WWP1: variants seen among roughly 807,000 people sequenced by gnomAD.
The protein encoded by WWP1 is NEDD4-like E3 ubiquitin-protein ligase WWP1.
In WWP1, 49 loss-of-function variants were observed where a neutral mutation model predicts 130.6. That is an observed-to-expected ratio of 0.38 (90% CI 0.30 to 0.48). The LOEUF is 0.48. Among genes scored for constraint, WWP1 ranks in the 20% least tolerant of loss-of-function variants. The pLI is 0.99. For missense variants in WWP1, 809 were observed against 1,100.6 expected, an observed-to-expected ratio of 0.74 and a Z score of 3.75; for synonymous variants, 332 against 367.8, an observed-to-expected ratio of 0.90 and a Z score of 1.11.
chr8:86,384,905 TC>T (rs1448884213), intron 5 of WWP1, among the ~76,000 whole-genome samples: 1 of 152,026 alleles, frequency 6.6e-6, no homozygotes, highest in Non-Finnish European at 1.5e-5. Flanking sequence ...GTGCCTGTAG[TC>T]CCAACTACTT....
At chr8:86,370,506 A>C (rs945361269) in intron 2 of WWP1, among the ~76,000 whole-genome samples, 1 of 152,176 alleles carries the variant, frequency 6.6e-6, no homozygotes, top group African/African-American at 2.4e-5. Context: ...TTTGGACCTT[A>C]GCAGTTCTTT....
intron 7 of WWP1, among the ~76,000 whole-genome samples, chr8:86,398,945 A>G (rs1304530186): frequency 6.6e-6 from 1 of 152,162 alleles, no homozygotes; most frequent in African/African-American, 2.4e-5. Flanking sequence ...AAGAGAAACC[A>G]TGTATATACA....
chr8:86,359,647 TG>T (rs1238026690), intron 1 of WWP1, among the ~76,000 whole-genome samples: 4 of 152,174 alleles, frequency 2.6e-5, no homozygotes, highest in African/African-American at 9.7e-5. Flanking sequence ...TCTATACCTG[TG>T]TTTAATCTCA....
intron 20 of WWP1, among the ~76,000 whole-genome samples, chr8:86,451,151 C>T (rs972332189): frequency 2.9e-5 from 4 of 138,170 alleles, no homozygotes; most frequent in African/African-American, 5.5e-5. Context: ...GTGGGAAGAT[C>T]ACCTAAGCCC....
chr8:86,464,116 A>G (rs1811911470), intron 24 of WWP1, among the ~76,000 whole-genome samples: 1 of 152,168 alleles, frequency 6.6e-6, no homozygotes, highest in South Asian at 2.1e-4. Flanking sequence ...TAGATTTTGT[A>G]TAACAAAGTA....
intron 3 of WWP1, among the ~76,000 whole-genome samples, chr8:86,377,609 G>A (rs555671178): frequency 2.0e-5 from 3 of 151,848 alleles, no homozygotes; most frequent in East Asian, 1.9e-4. Context: ...CATGGAACGC[G>A]GAAAAACTGA....
intron 7 of WWP1, 125 bp from the exon 8 acceptor site, chr8:86,401,893 TA>T: frequency 3.1e-6 from 3 of 962,830 alleles, no homozygotes; most frequent in Non-Finnish European, 4.3e-6. Flanking sequence ...AAATAGAATC[TA>T]AAAAATTTTA....
chr8:86,369,542 GT>G (rs1326691748), intron 2 of WWP1, among the ~76,000 whole-genome samples: 1 of 152,060 alleles, frequency 6.6e-6, no homozygotes, highest in Non-Finnish European at 1.5e-5. Flanking sequence ...AAAGTGAATA[GT>G]TTTTTACCTG....
chr8:86,362,045 T>C (rs933067800), intron 1 of WWP1, among the ~76,000 whole-genome samples: 1 of 114,898 alleles, frequency 8.7e-6, no homozygotes, highest in Non-Finnish European at 1.8e-5. Flanking sequence ...CACATATATA[T>C]ACACACATAT....
intron 11 of WWP1, among the ~76,000 whole-genome samples, chr8:86,428,873 T>C (rs893097897): frequency 4.6e-5 from 7 of 152,330 alleles, no homozygotes; most frequent in South Asian, 2.1e-4. Flanking sequence ...GTTGGACTTA[T>C]CTGTACACAT....
chr8:86,448,041 G>T (rs900643916), intron 18 of WWP1, 107 bp from the exon 19 acceptor site: 2 of 969,692 alleles, frequency 2.1e-6, no homozygotes, highest in Admixed American at 3.4e-5. Context: ...TTCACTTACT[G>T]AATGCTTTGT....
chr8:86,362,997 C>G (rs1049372581), intron 1 of WWP1, among the ~76,000 whole-genome samples: 1 of 152,042 alleles, frequency 6.6e-6, no homozygotes, highest in Non-Finnish European at 1.5e-5. Flanking sequence ...AATAATTTAG[C>G]ATTTATATAG....
intron 1 of WWP1, among the ~76,000 whole-genome samples, chr8:86,363,398 C>T (rs1398799575): frequency 2.2e-4 from 34 of 152,088 alleles, no homozygotes; most frequent in Admixed American, 2.2e-3. Context: ...GCATGGGTGG[C>T]TTCATTTTGT....
chr8:86,414,890 T>TCCCCCCCCCCCCCCCCCC (rs1222505171), intron 9 of WWP1, among the ~76,000 whole-genome samples: 1 of 94,814 alleles, frequency 1.1e-5, no homozygotes, highest in African/African-American at 4.8e-5. Flanking sequence ...CCCCCCCCCA[T>TCCCCCCCCCCCCCCCCCC]CCCCCCACCC....
chr8:86,359,941 CAGG>C (rs1216542228), intron 1 of WWP1, among the ~76,000 whole-genome samples: 2 of 151,758 alleles, frequency 1.3e-5, no homozygotes, highest in African/African-American at 4.8e-5. Context: ...CCCAGCTACT[CAGG>C]AGGCTGAGGC....
chr8:86,379,560 G>A (rs1824864750), intron 3 of WWP1, among the ~76,000 whole-genome samples: 1 of 151,992 alleles, frequency 6.6e-6, no homozygotes. Context: ...TTGATAAGTT[G>A]TTCTTACTGC....
chr8:86,375,302 G>T (rs1824569574), intron 3 of WWP1, among the ~76,000 whole-genome samples: 2 of 148,652 alleles, frequency 1.3e-5, no homozygotes, highest in Non-Finnish European at 3.0e-5. Context: ...ATCGTTTTCA[G>T]TTTTTTTTTT....
At chr8:86,417,035 G>GA (rs1230483040) in intron 9 of WWP1, among the ~76,000 whole-genome samples, 1 of 152,122 alleles carries the variant, frequency 6.6e-6, no homozygotes, top group Non-Finnish European at 1.5e-5. Flanking sequence ...CATACCCTGG[G>GA]AGTGACATCT....
At chr8:86,389,092 A>G (rs1200212354) in intron 5 of WWP1, among the ~76,000 whole-genome samples, 1 of 151,978 alleles carries the variant, frequency 6.6e-6, no homozygotes, top group East Asian at 1.9e-4. Flanking sequence ...ACTTTTCTTC[A>G]TTAAATAAAC....
Sources: gnomAD v4.1 joint callset for allele counts (sites outside exome capture counted in the v4.1 genomes callset) on GRCh38, gnomAD v4.1.1 for gene constraint, MANE v1.5 for transcripts, NCBI Gene and HGNC (gene_info 2026-07-23, HGNC 2026-07-21) for gene names.